CUX2: variants seen among roughly 807,000 people sequenced by gnomAD.
CUX2 encodes the protein cut like homeobox 2.
CUX2 carries 40 observed loss-of-function variants against 144.8 expected under a neutral mutation model. The observed-to-expected ratio is 0.28, with a 90% CI of 0.21 to 0.36. CUX2 has a LOEUF of 0.36. Ranked by LOEUF, CUX2 falls within the 10% of genes least tolerant of loss-of-function variation. The probability of loss-of-function intolerance (pLI) is 1.00; values close to 1 mark genes in which losing one functional copy is unlikely to be tolerated. For missense variants in CUX2, 1,615 were observed against 1,994.0 expected, an observed-to-expected ratio of 0.81 and a Z score of 3.62; for synonymous variants, 827 against 875.6, an observed-to-expected ratio of 0.94 and a Z score of 0.98.
At chr12:111,045,739 A>G (rs982829681) in intron 1 of CUX2, among the ~76,000 whole-genome samples, 1 of 152,124 alleles carries the variant, frequency 6.6e-6, no homozygotes, top group African/African-American at 2.4e-5. Flanking sequence ...CCACTTCCTC[A>G]CTGAGAGGCT....
chr12:111,235,676 G>A (rs926161501), intron 3 of CUX2, among the ~76,000 whole-genome samples: 7 of 151,840 alleles, frequency 4.6e-5, no homozygotes, highest in African/African-American at 9.7e-5. Context: ...AGCTGAGATC[G>A]CGCCACTGCA....
At position 111,059,226 on chromosome 12, in the gene CUX2, G is replaced by A. The variant is rs1161099162; in HGVS notation, c.63+24986G>A. ...GCACCTGCCACACTGGTCAGCTGGA[G>A]GGGGCCCCTCTTTGCAGGGCTTCTC... On this transcript the variant is annotated intron_variant, in intron 1 of 21. Coordinates refer to ENST00000261726, the MANE Select transcript of CUX2 (RefSeq NM_015267.4). This position sits in a 1 kb window ranked among gnomAD's most constrained non-coding sequence, Gnocchi z 5.3. Among the ~76,000 whole-genome samples the A allele has an allele frequency of 1.3e-5, 2 of 152,248 alleles. No homozygotes were observed. Among genetic ancestry groups the A allele is most frequent in the Non-Finnish European group, 2.9e-5 (2 of 68,050 alleles).
rs1307243503 is a variant in CUX2 at position 111,190,493 on chromosome 12, T to C, written c.64-23707T>C. Among the ~76,000 whole-genome samples, 1 of 152,192 alleles carries C rather than the reference T, an allele frequency of 6.6e-6. No homozygotes were observed. The highest frequency in any genetic ancestry group is 1.5e-5 in the Non-Finnish European group (1 of 68,010). On this transcript the variant is annotated intron_variant, in intron 1 of 21. Transcript: ENST00000261726. The surrounding 1 kb of genome is among the most constrained non-coding windows in gnomAD (Gnocchi z 4.0). ...ATTCCTCCACCTAGCCTGGCCCCAC[T>C]ATCTAAGCTGCTCAAGCCAGGGTGT... is the stretch of plus-strand genomic sequence containing the variant.
intron 1 of CUX2, among the ~76,000 whole-genome samples, chr12:111,162,419 G>A (rs1877836899): frequency 6.6e-6 from 1 of 152,226 alleles, no homozygotes; most frequent in Non-Finnish European, 1.5e-5. Context: ...ATGGAGCCCT[G>A]GTGGGTGGGC....
At chr12:111,192,280 C>A (rs1278941700) in intron 1 of CUX2, among the ~76,000 whole-genome samples, 1 of 152,108 alleles carries the variant, frequency 6.6e-6, no homozygotes, top group Non-Finnish European at 1.5e-5. Flanking sequence ...GCACACACCA[C>A]CGACGCCCAG....
rs531337871 is a variant in CUX2, at chr12:111,298,413, C to T, written c.705-128C>T. Reference sequence around the variant, plus strand: ...AGCCTAGGCTCTTTTCTCCCCAGCCCGATTTCTCTCCTGTAGCAAGGCCTT... The same window carrying T: ...AGCCTAGGCTCTTTTCTCCCCAGCCTGATTTCTCTCCTGTAGCAAGGCCTT... On this transcript the variant is annotated intron_variant, in intron 8 of 21. Transcript: ENST00000261726. The T allele has an allele frequency of 6.6e-5, 60 of 912,760 alleles. No individual in the cohort carries two copies. The East Asian group carries it at 1.2e-3, about 19-fold the overall frequency. 56.5% of individuals were successfully genotyped at this position (912,760 alleles called of 1,614,324 possible). A position where few individuals can be genotyped will look rare whatever the true frequency, so the allele number is the denominator to read the frequency against.
chr12:111,183,679 G>A (rs1332929786), intron 1 of CUX2, among the ~76,000 whole-genome samples: 3 of 152,158 alleles, frequency 2.0e-5, no homozygotes, highest in African/African-American at 2.4e-5. Flanking sequence ...CTGCAGGTAG[G>A]GCTGATGACA....
intron 1 of CUX2, among the ~76,000 whole-genome samples, chr12:111,053,774 A>G (rs1231331796): frequency 1.6e-4 from 25 of 152,210 alleles, no homozygotes; most frequent in Admixed American, 1.6e-3. Flanking sequence ...TCAGACGGTG[A>G]ACTCATTACC....
Position 111,312,735 on chromosome 12 carries a change from G to A in CUX2, c.2002+534G>A, listed in dbSNP as rs1416823425. Among the ~76,000 whole-genome samples, 2 of 151,844 alleles carry A rather than the reference G, an allele frequency of 1.3e-5. No individual in the cohort carries two copies. The highest frequency in any genetic ancestry group is 2.9e-5 in the Non-Finnish European group (2 of 67,960). ...AGAAAAATATCCCAAGACTCGACAA[G>A]GCCTACAGGCCCTACAGTCTTCAGG... On this transcript the variant is annotated intron_variant, in intron 16 of 21. Coordinates refer to ENST00000261726, the MANE Select transcript of CUX2 (RefSeq NM_015267.4). The surrounding 1 kb of genome is among the most constrained non-coding windows in gnomAD (Gnocchi z 4.3).
chr12:111,085,805 C>T (rs1465713550), intron 1 of CUX2, among the ~76,000 whole-genome samples: 1 of 152,232 alleles, frequency 6.6e-6, no homozygotes, highest in Non-Finnish European at 1.5e-5. Flanking sequence ...CTGTCTCCCT[C>T]ATTGGACTGT....
intron 1 of CUX2, among the ~76,000 whole-genome samples, chr12:111,200,420 T>G (rs1379536731): frequency 6.6e-6 from 1 of 152,140 alleles, no homozygotes; most frequent in Non-Finnish European, 1.5e-5. Context: ...CTTTCCTTTC[T>G]GGAAGTGGCA....
rs1013875414 is a variant in CUX2 at position 111,186,801 on chromosome 12, C to A, written c.64-27399C>A. ...GTGTATGTTTTTTTTTTTTTTGAGA[C>A]AGAATTTCACCGCATCACCCAGACT... On this transcript the variant is annotated intron_variant, in intron 1 of 21. Coordinates refer to ENST00000261726, the MANE Select transcript of CUX2 (RefSeq NM_015267.4). The surrounding 1 kb of genome is among the most constrained non-coding windows in gnomAD (Gnocchi z 4.4). 6.8e-6 allele frequency among the ~76,000 whole-genome samples: 1 copy of A among 146,716 alleles called. No homozygotes were observed. Among genetic ancestry groups the A allele is most frequent in the Admixed American group, 6.8e-5 (1 of 14,806 alleles).
chr12:111,202,559 TTCATC>T (rs1880662870), intron 1 of CUX2, among the ~76,000 whole-genome samples: 1 of 152,194 alleles, frequency 6.6e-6, no homozygotes, highest in South Asian at 2.1e-4. Flanking sequence ...TAGCCAGTCT[TTCATC>T]TGTTCATTTG....
chr12:111,307,339 C>G lies in CUX2; in HGVS notation c.1109+82C>G. On this transcript the variant is annotated intron_variant, in intron 12 of 21. Transcript: ENST00000261726. The surrounding 1 kb of genome is among the most constrained non-coding windows in gnomAD (Gnocchi z 4.1). ...CTTGGCAAAGTTCATCATCTTCCTC[C>G]CTCCTACTAAACCCCATTTGTTCTT... 2 of 1,263,342 alleles carry G rather than the reference C, an allele frequency of 1.6e-6. No homozygotes were observed. Among genetic ancestry groups the G allele is most frequent in the East Asian group, 4.7e-5 (2 of 42,862 alleles). The allele number at this position is 1,263,342 out of a possible 1,614,324, so 78.3% of individuals were successfully genotyped here.
At chr12:111,219,677 AG>A (rs1881738925) in intron 3 of CUX2, among the ~76,000 whole-genome samples, 1 of 152,208 alleles carries the variant, frequency 6.6e-6, no homozygotes, top group South Asian at 2.1e-4. Context: ...ATGCAGGGAA[AG>A]GGTTTAATGT....
At chr12:111,118,224 A>AC (rs1243549610) in intron 1 of CUX2, among the ~76,000 whole-genome samples, 4 of 152,242 alleles carry the variant, frequency 2.6e-5, no homozygotes, top group African/African-American at 9.6e-5. Context: ...ACATAAACTT[A>AC]CTAGAGTGTA....
Position 111,310,742 on chromosome 12 carries a change from C to T in CUX2, c.1900+60C>T. Reference sequence around the variant, plus strand: ...CCACGCCAGGTCCAGGGCATCAGGGCTGGGGGCTGAGGACACGCGCTCTGG... The same window carrying T: ...CCACGCCAGGTCCAGGGCATCAGGGTTGGGGGCTGAGGACACGCGCTCTGG... On this transcript the variant is annotated intron_variant, in intron 15 of 21. Transcript: ENST00000261726. This position sits in a 1 kb window ranked among gnomAD's most constrained non-coding sequence, Gnocchi z 7.9. 6.6e-7 allele frequency: 1 copy of T among 1,524,082 alleles called. No homozygotes were observed. Among genetic ancestry groups the T allele is most frequent in the African/African-American group, 1.4e-5 (1 of 73,422 alleles). 94.4% of individuals were successfully genotyped at this position (1,524,082 alleles called of 1,614,324 possible).
At chr12:111,330,716 T>TATATATACATATAC (rs1888067227) in intron 18 of CUX2, among the ~76,000 whole-genome samples, 2 of 36,948 alleles carry the variant, frequency 5.4e-5, no homozygotes, top group Admixed American at 2.6e-4. Flanking sequence ...TATATATATA[T>TATATATACATATAC]ATATATATAT....
At chr12:111,121,369 CTTTTTTTTTTTTT>C (rs5800920) in intron 1 of CUX2, among the ~76,000 whole-genome samples, 3 of 59,050 alleles carry the variant, frequency 5.1e-5, no homozygotes, top group South Asian at 1.0e-3. Flanking sequence ...TTTCTTTTTT[CTTTTTTTTTTTTT>C]TTTTTTTTTT....
Sources: allele counts gnomAD v4.1 joint callset (sites outside exome capture counted in the v4.1 genomes callset), GRCh38; gene constraint gnomAD v4.1.1; non-coding constraint Gnocchi (gnomAD v3.1); transcripts MANE v1.5; gene names NCBI Gene and HGNC (gene_info 2026-07-23, HGNC 2026-07-21).